TMEM175: variants seen among roughly 807,000 people sequenced by gnomAD.
TMEM175 encodes transmembrane protein 175, also known as endosomal/lysosomal proton channel TMEM175.
TMEM175 carries 36 observed loss-of-function variants against 36.5 expected under a neutral mutation model. The ratio of observed to expected loss-of-function variants is 0.99; its 90% confidence interval spans 0.76 to 1.30. TMEM175 has a LOEUF of 1.30. Ranked by LOEUF, TMEM175 falls within the 50% of genes most tolerant of loss-of-function variation. TMEM175 has a pLI of 0.00. For missense variants in TMEM175, 705 were observed against 692.8 expected, an observed-to-expected ratio of 1.02 and a Z score of -0.20; for synonymous variants, 339 against 313.4, an observed-to-expected ratio of 1.08 and a Z score of -0.86.
In TMEM175 at chr4:953,128, G is replaced by A. The variant is rs150300104; in HGVS notation, c.463-62G>A. On this transcript the variant is annotated intron_variant, in intron 7 of 10. Coordinates refer to ENST00000264771, the MANE Select transcript of TMEM175 (RefSeq NM_032326.4). ...GCGTGTGCCATGCAGCCCGGGGGTT[G>A]ACTGCTGTGGGGGCCCCCTCTGCTC... The A allele has an allele frequency of 5.7e-5, 87 of 1,517,460 alleles. No homozygotes were observed. The East Asian group carries it at 2.0e-3, about 34-fold the overall frequency. The allele number at this position is 1,517,460 out of a possible 1,614,324, so 94.0% of individuals were successfully genotyped here.
chr4:940,172 G>C (rs1328381349), intron 1 of TMEM175, among the ~76,000 whole-genome samples: 1 of 152,184 alleles, frequency 6.6e-6, no homozygotes, highest in Non-Finnish European at 1.5e-5. Context: ...CAGTAGGCCA[G>C]GCGCAGTGGC....
At position 940,953 on chromosome 4, in the gene TMEM175, C is replaced by G. The variant is rs965542907; in HGVS notation, c.-31-6756C>G. 2.1e-4 allele frequency among the ~76,000 whole-genome samples: 31 copies of G among 151,044 alleles called. No individual in the cohort carries two copies. In the Middle Eastern group the frequency reaches 0.01, roughly 50 times the overall value. On this transcript the variant is annotated intron_variant, in intron 1 of 10. Coordinates refer to ENST00000264771, the MANE Select transcript of TMEM175 (RefSeq NM_032326.4). ...CCCAGGAGTCGGAGGTTGCAGTGAG[C>G]CAAGATTGTGCCACTGCACTCCAGC... is the stretch of plus-strand genomic sequence containing the variant.
rs548700465 is a variant in TMEM175 at position 944,771 on chromosome 4, T to C, written c.-31-2938T>C. Among the ~76,000 whole-genome samples, 29 of 152,308 alleles carry C rather than the reference T, an allele frequency of 1.9e-4. No individual in the cohort carries two copies. In the East Asian group the frequency reaches 5.2e-3, roughly 27 times the overall value. On this transcript the variant is annotated intron_variant, in intron 1 of 10. Transcript: ENST00000264771. Reference sequence around the variant, plus strand: ...GTTTACTTCATGGTTTAATGATTTGTCCCTTACTAGTCAGAATGTGTTTTA... The same window carrying C: ...GTTTACTTCATGGTTTAATGATTTGCCCCTTACTAGTCAGAATGTGTTTTA...
Position 952,433 on chromosome 4 carries a change from G to A in TMEM175, c.445G>A (p.Ala149Thr), listed in dbSNP as rs149575563. ...GIFLFCVCVI[A>T]IGVVQALIVG... ...CTTCTTGTTCTGTGTGTGTGTGATC[G>A]CCATTGGGGTCGTGCAGGTAGGGGG... Residue 149 changes from alanine to threonine, a missense_variant, in exon 7 of 11, where the codon GCC becomes ACC. Coordinates refer to ENST00000264771, the MANE Select transcript of TMEM175 (RefSeq NM_032326.4). 3,720 of 1,603,956 alleles carry A rather than the reference G, an allele frequency of 2.3e-3. 5 individuals are homozygous for A. The highest frequency in any genetic ancestry group is 2.7e-3 in the Non-Finnish European group (3,224 of 1,176,226).
At chr4:956,087 C>A (rs570025784) in intron 10 of TMEM175, 197 bp downstream of exon 10, 2 of 790,362 alleles carry the variant, frequency 2.5e-6, no homozygotes, top group South Asian at 1.8e-5. Flanking sequence ...CCCTTCCCAG[C>A]GGCCCCTCCC....
Position 957,984 on chromosome 4 carries a change from C to G in TMEM175, c.1003C>G (p.Arg335Gly), listed in dbSNP as rs759053528. The change falls in exon 11 of 11, where the codon CGC becomes GGC. Residue 335 changes from arginine to glycine, a missense_variant. Transcript: ENST00000264771. ...FAHHSLFLHV[R>G]KATRAMGLLN... ...CCACCACTCACTCTTCCTGCATGTGCGCAAGGCCACGCGGGCCATGGGGCT... is the reference window on the plus strand; with the variant it reads ...CCACCACTCACTCTTCCTGCATGTGGGCAAGGCCACGCGGGCCATGGGGCT... 2.5e-6 allele frequency: 4 copies of G among 1,612,750 alleles called. No homozygotes were observed. Among genetic ancestry groups the G allele is most frequent in the Non-Finnish European group, 3.4e-6 (4 of 1,179,958 alleles).
intron 8 of TMEM175, among the ~76,000 whole-genome samples, chr4:953,991 C>G (rs1252918856): frequency 6.7e-6 from 1 of 150,268 alleles, no homozygotes; most frequent in Non-Finnish European, 1.5e-5. Context: ...CCTTTATTTT[C>G]TTTTTTTCTT....
intron 8 of TMEM175, 24 bp downstream of exon 8, chr4:953,378 G>A: frequency 6.3e-7 from 1 of 1,580,272 alleles, no homozygotes; most frequent in Non-Finnish European, 8.6e-7. Flanking sequence ...CAGCCCGTGG[G>A]GCCCAGGCAG....
At chr4:953,784 C>T (rs932053075) in intron 8 of TMEM175, among the ~76,000 whole-genome samples, 3 of 152,240 alleles carry the variant, frequency 2.0e-5, no homozygotes, top group African/African-American at 7.2e-5. Context: ...CTCCCGGGCT[C>T]AAGTGATTCT....
rs1397027182 is a variant in TMEM175 at position 951,570 on chromosome 4, C to T, written c.343-112C>T. 3 of 1,411,566 alleles carry T rather than the reference C, an allele frequency of 2.1e-6. No individual in the cohort carries two copies. The East Asian group carries it at 6.9e-5, about 32-fold the overall frequency. 87.4% of individuals were successfully genotyped at this position (1,411,566 alleles called of 1,614,324 possible). A position where few individuals can be genotyped will look rare whatever the true frequency, so the allele number is the denominator to read the frequency against. ...GGGGGCTGGACTCACACTCGCTGGC[C>T]CACCCTTCTTGGGGAGGGCCCAGCC... On this transcript the variant is annotated intron_variant, in intron 5 of 10. Coordinates refer to ENST00000264771, the MANE Select transcript of TMEM175 (RefSeq NM_032326.4).
rs1381476996 is a variant in TMEM175 at position 952,712 on chromosome 4, CGT to C, written c.462+269_462+270del. Among the ~76,000 whole-genome samples, 4 of 105,030 alleles carry C rather than the reference CGT, an allele frequency of 3.8e-5. 1 individual carries two copies. The highest frequency in any genetic ancestry group is 6.7e-4 in the South Asian group (2 of 3,006). 68.9% of individuals were successfully genotyped at this position (105,030 alleles called of 152,430 possible). On this transcript the variant is annotated intron_variant, in intron 7 of 10. Transcript: ENST00000264771. ...GTCCTGTGCTCTGTGTGTGTGTGTGCGTGTGTGTTCACCATCAGCCCTCTTGG... is the reference window on the plus strand; with the variant it reads ...GTCCTGTGCTCTGTGTGTGTGTGTGCGTGTGTTCACCATCAGCCCTCTTGG...
intron 10 of TMEM175, among the ~76,000 whole-genome samples, chr4:957,588 T>A (rs7695319): frequency 0.051 from 7,794 of 152,304 alleles, 297 homozygotes; most frequent in South Asian, 0.13. Flanking sequence ...GGGCTCCCAT[T>A]AGCACAGAGC....
chr4:948,684 A>G, intron 3 of TMEM175: 1 of 1,204,922 alleles, frequency 8.3e-7, no homozygotes, highest in African/African-American at 1.6e-5. Context: ...GCCAAACAGC[A>G]TCTTAGAAGG....
intron 1 of TMEM175, among the ~76,000 whole-genome samples, chr4:942,009 C>T (rs1727576946): frequency 6.6e-6 from 1 of 152,132 alleles, no homozygotes; most frequent in South Asian, 2.1e-4. Flanking sequence ...TGATCCACTT[C>T]GAGTTAACTT....
At chr4:950,661 A>G in intron 4 of TMEM175, 143 bp downstream of exon 4, 1 of 497,606 alleles carries the variant, frequency 2.0e-6, no homozygotes. Context: ...GGCAGGACTT[A>G]CCCCAAACCC....
intron 1 of TMEM175, among the ~76,000 whole-genome samples, chr4:943,458 G>C (rs1017472260): frequency 1.3e-5 from 2 of 152,140 alleles, no homozygotes; most frequent in Admixed American, 1.3e-4. Context: ...CACCATGTTA[G>C]CCAGGCTGGT....
intron 4 of TMEM175, among the ~76,000 whole-genome samples, 199 bp downstream of exon 4, chr4:950,717 G>A (rs1423045633): frequency 1.3e-5 from 2 of 149,106 alleles, no homozygotes; most frequent in African/African-American, 5.0e-5. Context: ...AGGTGTGGAC[G>A]GTGCAGTAGG....
intron 10 of TMEM175, among the ~76,000 whole-genome samples, chr4:957,083 C>T (rs1365627027): frequency 6.6e-6 from 1 of 152,232 alleles, no homozygotes; most frequent in East Asian, 1.9e-4. Context: ...GACCTCTCCT[C>T]CACCTGGAGC....
In TMEM175 at chr4:947,744, C is replaced by G. The variant is rs1351585053; in HGVS notation, c.5C>G (p.Ser2Cys). 10 of 1,605,258 alleles carry G rather than the reference C, an allele frequency of 6.2e-6. No individual in the cohort carries two copies. Among genetic ancestry groups the G allele is most frequent in the African/African-American group, 4.0e-5 (3 of 74,802 alleles). M[S>C]QPRTPEQALD... ...CCGCCAGGCAGCGGCCCCGCCATGT[C>G]CCAGCCCCGGACCCCAGAGCAGGCA... Residue 2 changes from serine (S) to cysteine (C), a missense_variant, in exon 2 of 11, where the codon TCC (serine) becomes TGC (cysteine). Physicochemically the swap from Ser to Cys is moderately radical, Grantham distance 112. Coordinates refer to ENST00000264771, the MANE Select transcript of TMEM175 (RefSeq NM_032326.4).
Sources: allele counts gnomAD v4.1 joint callset (sites outside exome capture counted in the v4.1 genomes callset), GRCh38; gene constraint gnomAD v4.1.1; transcripts MANE v1.5; gene names NCBI Gene and HGNC (gene_info 2026-07-23, HGNC 2026-07-21).